PPFIA2: variants seen among roughly 807,000 people sequenced by gnomAD.
The protein encoded by PPFIA2 is liprin-alpha-2.
In PPFIA2, 46 loss-of-function variants were observed where a neutral mutation model predicts 175.5. The observed-to-expected ratio is 0.26, with a 90% CI of 0.21 to 0.34. PPFIA2 has a LOEUF of 0.34. Among genes scored for constraint, PPFIA2 ranks in the 10% least tolerant of loss-of-function variants. The pLI, the probability that PPFIA2 is intolerant of heterozygous loss-of-function variation, is 1.00. For missense variants in PPFIA2, 1,179 were observed against 1,506.1 expected (o/e 0.78, Z 3.60); for synonymous variants, 568 against 511.4 (o/e 1.11, Z -1.49).
chr12:81,720,816 A>AT (rs963409020), intron 3 of PPFIA2, among the ~76,000 whole-genome samples: 8 of 151,166 alleles, frequency 5.3e-5, no homozygotes, highest in Non-Finnish European at 1.0e-4. Context: ...CACTTAATAA[A>AT]TTTTTTTTGT....
intron 4 of PPFIA2, among the ~76,000 whole-genome samples, chr12:81,627,717 C>T (rs375709479): frequency 6.6e-6 from 1 of 152,142 alleles, no homozygotes; most frequent in African/African-American, 2.4e-5. Context: ...CTAAGACGCA[C>T]ATATTAAACG....
At chr12:81,530,700 G>A (rs796982986) in intron 4 of PPFIA2, among the ~76,000 whole-genome samples, 2 of 150,752 alleles carry the variant, frequency 1.3e-5, no homozygotes, top group African/African-American at 4.9e-5. Flanking sequence ...GTAGTACACA[G>A]TAAATAGTAA....
intron 5 of PPFIA2, among the ~76,000 whole-genome samples, chr12:81,454,859 T>A (rs2053294364): frequency 6.6e-6 from 1 of 152,294 alleles, no homozygotes; most frequent in East Asian, 1.9e-4. Flanking sequence ...TTTATGTATT[T>A]ATTTTTTGAG....
chr12:81,392,773 G>T (rs1396922420), intron 8 of PPFIA2, among the ~76,000 whole-genome samples: 1 of 151,944 alleles, frequency 6.6e-6, no homozygotes, highest in African/African-American at 2.4e-5. Context: ...TTCAGAACGT[G>T]CTTCTCCCCC....
intron 3 of PPFIA2, among the ~76,000 whole-genome samples, chr12:81,723,231 G>C (rs1169089397): frequency 1.3e-5 from 2 of 150,964 alleles, no homozygotes; most frequent in African/African-American, 4.8e-5. Flanking sequence ...ATGCTAACTA[G>C]TTCACTGCAC....
At chr12:81,682,074 G>A (rs1439474671) in intron 3 of PPFIA2, among the ~76,000 whole-genome samples, 1 of 151,928 alleles carries the variant, frequency 6.6e-6, no homozygotes, top group Non-Finnish European at 1.5e-5. Context: ...GCATTGTTAT[G>A]GGTTAAATTA....
At chr12:81,464,312 G>A (rs2055183859) in intron 4 of PPFIA2, among the ~76,000 whole-genome samples, 1 of 152,068 alleles carries the variant, frequency 6.6e-6, no homozygotes, top group Admixed American at 6.6e-5. Flanking sequence ...AATCATTATA[G>A]CAGTGTTATT....
At chr12:81,697,345 T>A (rs2076012411) in intron 3 of PPFIA2, among the ~76,000 whole-genome samples, 2 of 152,092 alleles carry the variant, frequency 1.3e-5, no homozygotes. Flanking sequence ...AAAAACTTAT[T>A]TAGAGACTAA....
intron 4 of PPFIA2, among the ~76,000 whole-genome samples, chr12:81,606,164 G>A (rs2060292625): frequency 6.6e-6 from 1 of 151,894 alleles, no homozygotes; most frequent in Non-Finnish European, 1.5e-5. Flanking sequence ...ATTTTTATAT[G>A]GCTGCATAGT....
intron 4 of PPFIA2, among the ~76,000 whole-genome samples, chr12:81,469,181 C>A (rs1476641861): frequency 1.3e-5 from 2 of 152,190 alleles, no homozygotes; most frequent in Non-Finnish European, 2.9e-5. Flanking sequence ...AGAGAAGGAG[C>A]TTGCCCTTGT....
At chr12:81,603,907 T>C (rs891249246) in intron 4 of PPFIA2, among the ~76,000 whole-genome samples, 1 of 151,610 alleles carries the variant, frequency 6.6e-6, no homozygotes, top group African/African-American at 2.4e-5. Flanking sequence ...TATTCGTTTA[T>C]TTATTTATTC....
chr12:81,621,387 G>A (rs1360684805), intron 4 of PPFIA2, among the ~76,000 whole-genome samples: 1 of 152,206 alleles, frequency 6.6e-6, no homozygotes, highest in Non-Finnish European at 1.5e-5. Context: ...GCATTAATTG[G>A]ACATTGATTT....
intron 4 of PPFIA2, among the ~76,000 whole-genome samples, chr12:81,578,479 C>T (rs1188832730): frequency 4.6e-5 from 7 of 151,712 alleles, no homozygotes; most frequent in Non-Finnish European, 1.0e-4. Flanking sequence ...TAGAAAGAAA[C>T]TGTAAGTTAT....
intron 4 of PPFIA2, among the ~76,000 whole-genome samples, chr12:81,468,520 A>G (rs910666020): frequency 1.3e-5 from 2 of 152,218 alleles, no homozygotes; most frequent in Admixed American, 6.5e-5. Context: ...AGACTTTAGC[A>G]TCTGGTTAGG....
At chr12:81,464,483 C>T (rs932999303) in intron 4 of PPFIA2, among the ~76,000 whole-genome samples, 6 of 152,138 alleles carry the variant, frequency 3.9e-5, no homozygotes, top group Non-Finnish European at 7.4e-5. Context: ...TTTGTGCTGA[C>T]TTCTAAGCTA....
chr12:81,413,408 C>T (rs966933173), intron 7 of PPFIA2, among the ~76,000 whole-genome samples: 2 of 151,672 alleles, frequency 1.3e-5, no homozygotes, highest in South Asian at 4.2e-4. Flanking sequence ...TTATAGGCTT[C>T]AAGGTTAAAA....
chr12:81,529,551 G>T (rs1049177706), intron 4 of PPFIA2, among the ~76,000 whole-genome samples: 3 of 127,442 alleles, frequency 2.4e-5, no homozygotes, highest in Non-Finnish European at 4.9e-5. Flanking sequence ...TGGCGGGGGG[G>T]CAGTGGAAAG....
At chr12:81,483,285 C>T (rs1035204649) in intron 4 of PPFIA2, among the ~76,000 whole-genome samples, 1 of 151,874 alleles carries the variant, frequency 6.6e-6, no homozygotes, top group African/African-American at 2.4e-5. Context: ...TTCATAATAG[C>T]CAATAAATGA....
intron 3 of PPFIA2, among the ~76,000 whole-genome samples, chr12:81,715,326 C>A (rs2078462740): frequency 6.6e-6 from 1 of 151,764 alleles, no homozygotes; most frequent in South Asian, 2.1e-4. Flanking sequence ...ATAGCTGAAT[C>A]TACTACATGT....
Sources: gnomAD v4.1 joint callset for allele counts (sites outside exome capture counted in the v4.1 genomes callset) on GRCh38, gnomAD v4.1.1 for gene constraint, MANE v1.5 for transcripts, NCBI Gene and HGNC (gene_info 2026-07-23, HGNC 2026-07-21) for gene names.